ACOX3: variants seen among roughly 807,000 people sequenced by gnomAD.
ACOX3 encodes acyl-CoA oxidase 3, pristanoyl.
ACOX3 carries 73 observed loss-of-function variants against 81.5 expected under a neutral mutation model. That is an observed-to-expected ratio of 0.90 (90% CI 0.74 to 1.09). The LOEUF is 1.09. Ranked by LOEUF, ACOX3 falls within the 50% of genes least tolerant of loss-of-function variation. The probability of loss-of-function intolerance (pLI) is 0.00; values close to 1 mark genes in which losing one functional copy is unlikely to be tolerated. For missense variants in ACOX3, 947 were observed against 928.0 expected, an observed-to-expected ratio of 1.02 and a Z score of -0.27; for synonymous variants, 387 against 375.1, an observed-to-expected ratio of 1.03 and a Z score of -0.37.
At chr4:8,418,233 A>G (rs1722546422) in intron 1 of ACOX3, among the ~76,000 whole-genome samples, 2 of 152,196 alleles carry the variant, frequency 1.3e-5, no homozygotes. Flanking sequence ...AGAAATAAAC[A>G]TCTCTTGTAA....
At position 8,386,811 on chromosome 4, in the gene ACOX3, G is replaced by C. The variant is rs1458137517; in HGVS notation, c.1537+2362C>G. On this transcript the variant is annotated intron_variant, in intron 13 of 17. Transcript: ENST00000356406. The surrounding 1 kb of genome is among the most constrained non-coding windows in gnomAD (Gnocchi z 5.2). ...CCGGACCGGCCCAGGCTCCACACCG[G>C]CTTCGGCCACGGCTGTTGTCCTGTT... is the stretch of plus-strand genomic sequence containing the variant. 6.6e-6 allele frequency among the ~76,000 whole-genome samples: 1 copy of C among 152,234 alleles called. No individual in the cohort carries two copies. Among genetic ancestry groups the C allele is most frequent in the Non-Finnish European group, 1.5e-5 (1 of 68,050 alleles).
intron 16 of ACOX3, among the ~76,000 whole-genome samples, chr4:8,371,758 A>G (rs1716232460): frequency 6.6e-6 from 1 of 152,266 alleles, no homozygotes; most frequent in Admixed American, 6.5e-5. Context: ...GAGGCCGCAG[A>G]CAAATGCCAC....
chr4:8,428,517 T>C (rs954970269), intron 1 of ACOX3: 2 of 152,272 alleles, frequency 1.3e-5, no homozygotes, highest in African/African-American at 2.4e-5. Context: ...CGCCCTGACG[T>C]CATCGAACCG....
intron 14 of ACOX3, among the ~76,000 whole-genome samples, chr4:8,379,882 C>A (rs1043974753): frequency 5.3e-5 from 8 of 152,020 alleles, no homozygotes; most frequent in Non-Finnish European, 1.2e-4. Context: ...ACCTCCTGGG[C>A]TCAAGCGATC....
At position 8,431,437 on chromosome 4, in the gene ACOX3, C is replaced by T. The variant is rs1004696165; in HGVS notation, c.-15+9211G>A. Reference sequence around the variant, plus strand: ...CTCCTGGGCCTGAGGACACTGCTGACCTGCATCTGACAGGGAACACGGGCC... The same window carrying T: ...CTCCTGGGCCTGAGGACACTGCTGATCTGCATCTGACAGGGAACACGGGCC... On this transcript the variant is annotated intron_variant, in intron 1 of 17. Transcript: ENST00000356406. The surrounding 1 kb of genome is among the most constrained non-coding windows in gnomAD (Gnocchi z 5.3). Among the ~76,000 whole-genome samples, 1 of 152,168 alleles carries T rather than the reference C, an allele frequency of 6.6e-6. No homozygotes were observed. Among genetic ancestry groups the T allele is most frequent in the South Asian group, 2.1e-4 (1 of 4,832 alleles).
intron 17 of ACOX3, among the ~76,000 whole-genome samples, chr4:8,367,538 C>CT: frequency 6.6e-6 from 1 of 151,964 alleles, no homozygotes; most frequent in South Asian, 2.1e-4. Context: ...TTCTCTGTCA[C>CT]TTTTTAGAGA....
Position 8,369,774 on chromosome 4 carries a change from T to C in ACOX3, c.1983+1134A>G, listed in dbSNP as rs79304526. On this transcript the variant is annotated intron_variant, in intron 17 of 17. Coordinates refer to ENST00000356406, the MANE Select transcript of ACOX3 (RefSeq NM_003501.3). ...CCTGCCCACTAAGGCTCAATCTCCA[T>C]TTGGGCAGAGACCCAGGTGCTTCAG... Among the ~76,000 whole-genome samples, 42 of 152,314 alleles carry C rather than the reference T, an allele frequency of 2.8e-4. No individual in the cohort carries two copies. The East Asian group carries it at 7.7e-3, about 28-fold the overall frequency.
rs201636232 is a variant in ACOX3, at chr4:8,414,824, G to T, written c.453+30C>A. ...TACAGAGATCAAGCAAGAGAACCAG[G>T]CTCACAATTTACCATGAACCAGAAC... On this transcript the variant is annotated intron_variant, in intron 4 of 17. Transcript: ENST00000356406. This position sits in a 1 kb window ranked among gnomAD's most constrained non-coding sequence, Gnocchi z 6.1. 16 of 1,597,886 alleles carry T rather than the reference G, an allele frequency of 1.0e-5. No homozygotes were observed. In the East Asian group the frequency reaches 3.6e-4, roughly 36 times the overall value.
chr4:8,424,775 C>A (rs1418496577), intron 1 of ACOX3, among the ~76,000 whole-genome samples: 1 of 152,208 alleles, frequency 6.6e-6, no homozygotes, highest in Non-Finnish European at 1.5e-5. Context: ...ATTGCTCAAA[C>A]CTACGCCGCT....
chr4:8,371,782 A>AC (rs1716238260), intron 16 of ACOX3, among the ~76,000 whole-genome samples: 1 of 152,270 alleles, frequency 6.6e-6, no homozygotes, highest in Admixed American at 6.5e-5. Flanking sequence ...TCCCGGAGAG[A>AC]AGCTCTCGGC....
intron 1 of ACOX3, among the ~76,000 whole-genome samples, chr4:8,438,561 C>T (rs889314356): frequency 2.6e-5 from 4 of 152,110 alleles, no homozygotes; most frequent in Non-Finnish European, 5.9e-5. Context: ...CCTCCAAGAA[C>T]TAAAGGAATT....
chr4:8,371,807 G>A (rs189198234), intron 16 of ACOX3, among the ~76,000 whole-genome samples: 276 of 152,394 alleles, frequency 1.8e-3, no homozygotes, highest in South Asian at 1.2e-3. Context: ...CACAGGCGCT[G>A]AGCCCGACAA....
intron 11 of ACOX3, among the ~76,000 whole-genome samples, chr4:8,390,661 C>T (rs1172069665): frequency 6.6e-6 from 1 of 152,208 alleles, no homozygotes; most frequent in Non-Finnish European, 1.5e-5. Context: ...TTGAGCCTGC[C>T]TACTGTGATG....
intron 6 of ACOX3, among the ~76,000 whole-genome samples, chr4:8,408,515 T>C (rs1319258663): frequency 6.6e-6 from 1 of 152,138 alleles, no homozygotes. Context: ...TCTAAAACAC[T>C]GCGGCTCTAT....
intron 5 of ACOX3, among the ~76,000 whole-genome samples, chr4:8,411,260 A>T (rs529568491): frequency 6.6e-6 from 1 of 152,306 alleles, no homozygotes; most frequent in East Asian, 1.9e-4. Flanking sequence ...AGTCACTGCT[A>T]GGGGCTGTCG....
rs1723963163 is a variant in ACOX3, at chr4:8,431,703, G to A, written c.-15+8945C>T. ...AGTAGGGGTGGGGTGAGTGTCATCA[G>A]TAACTCAGTGGACAATGACCCACGG... On this transcript the variant is annotated intron_variant, in intron 1 of 17. Transcript: ENST00000356406. This position sits in a 1 kb window ranked among gnomAD's most constrained non-coding sequence, Gnocchi z 5.3. Among the ~76,000 whole-genome samples the A allele has an allele frequency of 6.6e-6, 1 of 152,246 alleles. No homozygotes were observed. Among genetic ancestry groups the A allele is most frequent in the Non-Finnish European group, 1.5e-5 (1 of 68,042 alleles).
chr4:8,426,488 G>A lies in ACOX3; in HGVS notation c.-14-9953C>T, dbSNP rs138309319. Among the ~76,000 whole-genome samples, 246 of 151,782 alleles carry A rather than the reference G, an allele frequency of 1.6e-3. 1 individual carries two copies. The highest frequency in any genetic ancestry group is 0.01 in the Middle Eastern group (3 of 292). On this transcript the variant is annotated intron_variant, in intron 1 of 17. Coordinates refer to ENST00000356406, the MANE Select transcript of ACOX3 (RefSeq NM_003501.3). Reference sequence around the variant, plus strand: ...AACTGCGAGGAAAGTAACTGGAATCGTAGAGCTCCATGGCCCCCCCCGTCA... The same window carrying A: ...AACTGCGAGGAAAGTAACTGGAATCATAGAGCTCCATGGCCCCCCCCGTCA...
chr4:8,407,136 GTAC>G lies in ACOX3; in HGVS notation c.688-1096_688-1094del, dbSNP rs2108936864. Among the ~76,000 whole-genome samples, 1 of 152,304 alleles carries G rather than the reference GTAC, an allele frequency of 6.6e-6. No individual in the cohort carries two copies. Among genetic ancestry groups the G allele is most frequent in the South Asian group, 2.1e-4 (1 of 4,826 alleles). On this transcript the variant is annotated intron_variant, in intron 6 of 17. Coordinates refer to ENST00000356406, the MANE Select transcript of ACOX3 (RefSeq NM_003501.3). The surrounding 1 kb of genome is among the most constrained non-coding windows in gnomAD (Gnocchi z 4.6). ...CCTGTCTGGGCATAACAGAAGGCTCGTACTCTTGTCTTCTGGTCACTCCTCACT... is the reference window on the plus strand; with the variant it reads ...CCTGTCTGGGCATAACAGAAGGCTCGTCTTGTCTTCTGGTCACTCCTCACT...
chr4:8,397,392 C>T (rs572654631), intron 8 of ACOX3, among the ~76,000 whole-genome samples: 9 of 152,336 alleles, frequency 5.9e-5, no homozygotes, highest in South Asian at 4.1e-4. Flanking sequence ...GGTATGACAG[C>T]GCTGGGTGAG....
Sources: gnomAD v4.1 joint callset for allele counts (sites outside exome capture counted in the v4.1 genomes callset) on GRCh38, gnomAD v4.1.1 for gene constraint, Gnocchi (gnomAD v3.1) non-coding constraint, MANE v1.5 for transcripts, NCBI Gene and HGNC (gene_info 2026-07-23, HGNC 2026-07-21) for gene names.